HDAC4: variants seen among roughly 807,000 people sequenced by gnomAD.
HDAC4 encodes histone deacetylase A.
Under a neutral mutation model 135.1 loss-of-function variants are expected in HDAC4, and 16 were observed. The observed-to-expected ratio is 0.12, with a 90% CI of 0.08 to 0.18. The LOEUF is 0.18. Among genes scored for constraint, HDAC4 ranks in the 10% least tolerant of loss-of-function variants. The pLI is 1.00. For synonymous variants in HDAC4, 685 were observed against 653.4 expected, an observed-to-expected ratio of 1.05 and a Z score of -0.74; for missense variants, 1,143 against 1,511.8, an observed-to-expected ratio of 0.76 and a Z score of 4.05.
chr2:239,193,685 G>A (rs1432746216), intron 3 of HDAC4, among the ~76,000 whole-genome samples: 1 of 152,264 alleles, frequency 6.6e-6, no homozygotes, highest in Admixed American at 6.5e-5. Context: ...GAGCGCGAGG[G>A]GAAGCAGCAG....
intron 2 of HDAC4, among the ~76,000 whole-genome samples, chr2:239,269,980 C>G (rs1170609210): frequency 7.4e-6 from 1 of 135,318 alleles, no homozygotes. Flanking sequence ...TGACTTATCT[C>G]CCCGCCCCCC....
At chr2:239,067,158 G>A (rs764795729) in intron 23 of HDAC4, among the ~76,000 whole-genome samples, 58 of 152,260 alleles carry the variant, frequency 3.8e-4, no homozygotes, top group East Asian at 7.7e-4. Flanking sequence ...TTCGGCCCCC[G>A]CAGAGGGGCT....
intron 22 of HDAC4, among the ~76,000 whole-genome samples, chr2:239,070,863 A>G (rs2034117620): frequency 6.6e-6 from 1 of 151,896 alleles, no homozygotes; most frequent in African/African-American, 2.4e-5. Context: ...GACCGCAGCC[A>G]TTTAGTCCCT....
intron 2 of HDAC4, among the ~76,000 whole-genome samples, chr2:239,326,957 G>A (rs1234781474): frequency 1.3e-5 from 2 of 152,204 alleles, no homozygotes; most frequent in Non-Finnish European, 2.9e-5. Flanking sequence ...CAGGCCCAGG[G>A]GTACGACCTT....
At chr2:239,080,557 C>T (rs978661484) in intron 22 of HDAC4, among the ~76,000 whole-genome samples, 5 of 149,200 alleles carry the variant, frequency 3.4e-5, no homozygotes, top group African/African-American at 1.2e-4. Flanking sequence ...GAGAAGGAAC[C>T]GCTTGATGAC....
chr2:239,377,715 T>C (rs983675401), intron 1 of HDAC4, among the ~76,000 whole-genome samples: 72 of 152,290 alleles, frequency 4.7e-4, no homozygotes, highest in African/African-American at 1.5e-3. Flanking sequence ...ACCAGTATTA[T>C]GTGCAGAGAC....
intron 2 of HDAC4, among the ~76,000 whole-genome samples, chr2:239,292,703 G>T (rs114690258): frequency 6.6e-6 from 1 of 152,046 alleles, no homozygotes; most frequent in Non-Finnish European, 1.5e-5. Flanking sequence ...AGGCTGGGTC[G>T]AGAGGATACT....
intron 2 of HDAC4, among the ~76,000 whole-genome samples, chr2:239,277,885 G>A (rs553748019): frequency 4.4e-4 from 67 of 151,882 alleles, no homozygotes; most frequent in African/African-American, 1.6e-3. Context: ...CGCTCAGCAG[G>A]CCCCAGTCAT....
At chr2:239,178,379 T>G (rs543704903) in intron 4 of HDAC4, among the ~76,000 whole-genome samples, 1 of 152,212 alleles carries the variant, frequency 6.6e-6, no homozygotes, top group Admixed American at 6.5e-5. Context: ...CAAGTGATCC[T>G]CCTACCTCAG....
intron 1 of HDAC4, among the ~76,000 whole-genome samples, chr2:239,369,790 G>A (rs1158262481): frequency 2.0e-5 from 3 of 152,102 alleles, no homozygotes; most frequent in East Asian, 1.9e-4. Flanking sequence ...ACACAGAATC[G>A]TAGCCACCTT....
rs779204778 is a variant in HDAC4 at position 239,303,059 on chromosome 2, G to A, written c.22+49619C>T. 6.6e-6 allele frequency among the ~76,000 whole-genome samples: 1 copy of A among 152,178 alleles called. No individual in the cohort carries two copies. Among genetic ancestry groups the A allele is most frequent in the Non-Finnish European group, 1.5e-5 (1 of 68,028 alleles). ...GTCCTCAAACCCCCCCCGGGTGGGAGAGGTCATCACCTCCGCGTACTGAAC... is the reference window on the plus strand; with the variant it reads ...GTCCTCAAACCCCCCCCGGGTGGGAAAGGTCATCACCTCCGCGTACTGAAC... On this transcript the variant is annotated intron_variant, in intron 2 of 26. Coordinates refer to ENST00000543185, the MANE Select transcript of HDAC4 (RefSeq NM_001378414.1). This position sits in a 1 kb window ranked among gnomAD's most constrained non-coding sequence, Gnocchi z 5.1.
chr2:239,148,953 G>A (rs76443180), intron 7 of HDAC4, among the ~76,000 whole-genome samples: 9,291 of 152,234 alleles, frequency 0.061, 958 homozygotes, highest in African/African-American at 0.21. Flanking sequence ...ATTTCTACGA[G>A]GTGAATGCAG....
chr2:239,271,965 A>G (rs891977684), intron 2 of HDAC4, among the ~76,000 whole-genome samples: 2 of 152,202 alleles, frequency 1.3e-5, no homozygotes, highest in African/African-American at 4.8e-5. Flanking sequence ...AGATTCCAAC[A>G]AACTCTGCAC....
At chr2:239,184,069 TAAAAAAAAAA>T (rs58952360) in intron 4 of HDAC4, among the ~76,000 whole-genome samples, 1,299 of 71,420 alleles carry the variant, frequency 0.018, 21 homozygotes, top group South Asian at 0.078. Context: ...CTTGCTAGTG[TAAAAAAAAAA>T]AAAAAAAAAA....
chr2:239,176,716 C>T (rs2043801347), intron 4 of HDAC4, among the ~76,000 whole-genome samples, 153 bp from the exon 5 acceptor site: 1 of 152,072 alleles, frequency 6.6e-6, no homozygotes, highest in Admixed American at 6.5e-5. Context: ...CTATTTCAGT[C>T]CAAAAAAAGA....
At chr2:239,190,665 G>C (rs915957793) in intron 3 of HDAC4, among the ~76,000 whole-genome samples, 7 of 152,210 alleles carry the variant, frequency 4.6e-5, no homozygotes, top group Non-Finnish European at 7.3e-5. Flanking sequence ...ATGTTTACCA[G>C]ACACAGCCAA....
chr2:239,294,715 C>T (rs920163988), intron 2 of HDAC4, among the ~76,000 whole-genome samples: 3 of 150,690 alleles, frequency 2.0e-5, no homozygotes, highest in Admixed American at 6.6e-5. Context: ...GTGGGCCTGC[C>T]TCGGAGGCCT....
intron 17 of HDAC4, among the ~76,000 whole-genome samples, chr2:239,092,331 C>A (rs1484525705): frequency 6.6e-6 from 1 of 152,148 alleles, no homozygotes; most frequent in Admixed American, 6.5e-5. Context: ...TCTGTGTCAG[C>A]CAGCAGAGGC....
chr2:239,301,029 G>T (rs2052223282), intron 2 of HDAC4, among the ~76,000 whole-genome samples: 1 of 152,202 alleles, frequency 6.6e-6, no homozygotes, highest in South Asian at 2.1e-4. Flanking sequence ...CGGGCTCCAA[G>T]AGCACTGCTC....
Sources: allele counts gnomAD v4.1 joint callset (sites outside exome capture counted in the v4.1 genomes callset), GRCh38; gene constraint gnomAD v4.1.1; non-coding constraint Gnocchi (gnomAD v3.1); transcripts MANE v1.5; gene names NCBI Gene and HGNC (gene_info 2026-07-23, HGNC 2026-07-21).